Variants in HYDIN observed in about 807,000 individuals in gnomAD.
The protein encoded by HYDIN is HYDIN axonemal central pair apparatus protein, also known as axonemal central pair apparatus protein HYDIN.
A neutral mutation model predicts 403.9 loss-of-function variants in HYDIN; 132 were observed. That is an observed-to-expected ratio of 0.33 (90% CI 0.28 to 0.38). The LOEUF is 0.38. HYDIN is among the 10% of genes least tolerant of loss of function. The probability of loss-of-function intolerance (pLI) is 1.00; values close to 1 mark genes in which losing one functional copy is unlikely to be tolerated. For missense variants in HYDIN, 2,827 were observed against 5,009.5 expected, an observed-to-expected ratio of 0.56 and a Z score of 13.15; for synonymous variants, 1,202 against 1,891.7, an observed-to-expected ratio of 0.64 and a Z score of 9.46.
rs777203054 is a variant in HYDIN, at chr16:71,064,759, T to G, written c.2157A>C (p.Thr719=). 3.1e-6 allele frequency: 5 copies of G among 1,613,818 alleles called. No homozygotes were observed. In the African/African-American group the frequency reaches 6.7e-5, roughly 22 times the overall value. Residue 719 remains threonine (T), a synonymous_variant, in exon 16 of 86, where the codon ACA becomes ACC. Coordinates refer to ENST00000393567, the MANE Select transcript of HYDIN (RefSeq NM_001270974.2). ...HCFLKYPYEK[T]LQLANQDDLP... ...GGTCATCTTGATTGGCAAGCTGGAGTGTTTTCTCATACGGGTACTTCAGGA... is the reference window on the plus strand; with the variant it reads ...GGTCATCTTGATTGGCAAGCTGGAGGGTTTTCTCATACGGGTACTTCAGGA...
chr16:70,818,779 A>G (rs2036024431), intron 83 of HYDIN, among the ~76,000 whole-genome samples: 1 of 149,134 alleles, frequency 6.7e-6, no homozygotes, highest in Admixed American at 6.7e-5. Context: ...CAGATGAGAG[A>G]TTATTAAATA....
At chr16:71,085,511 C>T (rs1364707528) in intron 12 of HYDIN, among the ~76,000 whole-genome samples, 1 of 150,726 alleles carries the variant, frequency 6.6e-6, no homozygotes, top group African/African-American at 2.4e-5. Context: ...TCTTCTATTT[C>T]CTTTGTGATC....
intron 69 of HYDIN, among the ~76,000 whole-genome samples, 156 bp from the exon 70 acceptor site, chr16:70,861,057 T>C (rs2039381187): frequency 1.3e-5 from 2 of 152,056 alleles, no homozygotes; most frequent in African/African-American, 2.4e-5. Flanking sequence ...GTGCCTTGAA[T>C]GCATGACTGG....
At chr16:70,874,972 T>G (rs2040360871) in intron 62 of HYDIN, 53 bp from the exon 63 acceptor site, 3 of 1,457,980 alleles carry the variant, frequency 2.1e-6, no homozygotes, top group Admixed American at 4.4e-5. Flanking sequence ...GCTCATGGGC[T>G]TTGAGTCTGG....
intron 1 of HYDIN, among the ~76,000 whole-genome samples, chr16:71,214,963 T>C (rs2088803329): frequency 6.6e-6 from 1 of 152,222 alleles, no homozygotes; most frequent in Non-Finnish European, 1.5e-5. Context: ...AATGGAGAGA[T>C]CTGCTCTATC....
Position 71,230,651 on chromosome 16 carries a change from G to C in HYDIN, c.-113C>G. On this transcript the variant is annotated 5_prime_UTR_variant, in exon 1 of 86. Coordinates refer to ENST00000393567, the MANE Select transcript of HYDIN (RefSeq NM_001270974.2). ...TCACAGACCCCGCCGCCGCTGAGGG[G>C]CTCCATACCCAGCTTGAAGCCGCCC... is the stretch of plus-strand genomic sequence containing the variant. The C allele has an allele frequency of 1.3e-6, 2 of 1,536,026 alleles. No individual in the cohort carries two copies. Among genetic ancestry groups the C allele is most frequent in the Non-Finnish European group, 1.7e-6 (2 of 1,146,872 alleles).
chr16:71,020,436 G>C (rs951175089), intron 21 of HYDIN, 119 bp from the exon 22 acceptor site: 6 of 1,337,266 alleles, frequency 4.5e-6, no homozygotes, highest in Non-Finnish European at 5.0e-6. Context: ...TTCTTTGTGT[G>C]TGTGTGTGTG....
chr16:71,184,777 G>C (rs2144663558), intron 3 of HYDIN, 88 bp downstream of exon 3: 3 of 1,161,180 alleles, frequency 2.6e-6, no homozygotes, highest in South Asian at 1.8e-5. Flanking sequence ...GGATTAGGTA[G>C]CCAAGAAACA....
At chr16:70,931,174 G>A (rs1407980982) in intron 45 of HYDIN, among the ~76,000 whole-genome samples, 2 of 132,224 alleles carry the variant, frequency 1.5e-5, no homozygotes, top group African/African-American at 2.7e-5. Context: ...TTTTTTTAAC[G>A]TTTTTTGAAT....
intron 20 of HYDIN, among the ~76,000 whole-genome samples, chr16:71,026,790 G>A (rs1027190713): frequency 3.9e-5 from 6 of 152,160 alleles, no homozygotes; most frequent in African/African-American, 1.4e-4. Context: ...GCTAAGCAAG[G>A]GACTAGCTTT....
chr16:70,909,230 A>ACCAG, intron 47 of HYDIN, among the ~76,000 whole-genome samples: 1 of 152,066 alleles, frequency 6.6e-6, no homozygotes, highest in Non-Finnish European at 1.5e-5. Flanking sequence ...ACCCCTCACC[A>ACCAG]CCAGCTCTCT....
intron 1 of HYDIN, among the ~76,000 whole-genome samples, chr16:71,205,571 C>A (rs2088253194): frequency 6.6e-6 from 1 of 152,270 alleles, no homozygotes; most frequent in Non-Finnish European, 1.5e-5. Context: ...ACAGCTCCAA[C>A]AGAGGCCACA....
rs573773543 is a variant in HYDIN, at chr16:71,082,824, AT to A, written c.1671-2873del. ...TTATTCACTATTACAGCCTCCTGGA[AT>A]TTTTTTTTAAATGACAGCTTCATTG... On this transcript the variant is annotated intron_variant, in intron 12 of 85. Coordinates refer to ENST00000393567, the MANE Select transcript of HYDIN (RefSeq NM_001270974.2). Among the ~76,000 whole-genome samples, 513 of 137,996 alleles carry A rather than the reference AT, an allele frequency of 3.7e-3. 7 individuals are homozygous for A. Among genetic ancestry groups the A allele is most frequent in the African/African-American group, 0.013 (436 of 34,306 alleles). The allele number at this position is 137,996 out of a possible 152,430, so 90.5% of individuals were successfully genotyped here.
At chr16:70,866,104 G>A (rs2039733852) in intron 67 of HYDIN, 65 bp downstream of exon 67, 2 of 1,096,990 alleles carry the variant, frequency 1.8e-6, no homozygotes, top group South Asian at 1.4e-5. Flanking sequence ...TTTGATGAGT[G>A]AGTGAGTGAA....
chr16:70,866,760 A>G (rs9921766), intron 66 of HYDIN, among the ~76,000 whole-genome samples: 6,059 of 152,220 alleles, frequency 0.04, 380 homozygotes, highest in African/African-American at 0.13. Context: ...ATGGTGGCTC[A>G]CGGCCCATAA....
chr16:71,067,043 T>G, intron 15 of HYDIN: 1 of 641,972 alleles, frequency 1.6e-6, no homozygotes, highest in Non-Finnish European at 2.8e-6. Context: ...TCTGACCCGT[T>G]TTTTCACTAT....
At chr16:70,981,683 A>G (rs1337317808) in intron 28 of HYDIN, 115 bp from the exon 29 acceptor site, 36 of 1,400,940 alleles carry the variant, frequency 2.6e-5, no homozygotes, top group Non-Finnish European at 3.3e-5. Flanking sequence ...AAAAAGAAGG[A>G]AAGGAGTAAG....
chr16:71,098,025 G>A (rs13330774), intron 10 of HYDIN, among the ~76,000 whole-genome samples: 1 of 151,862 alleles, frequency 6.6e-6, no homozygotes, highest in Admixed American at 6.6e-5. Context: ...TCTAGTGCTT[G>A]GCAACACAGT....
At chr16:71,163,048 C>T (rs2086070265) in intron 5 of HYDIN, among the ~76,000 whole-genome samples, 5 of 151,738 alleles carry the variant, frequency 3.3e-5, no homozygotes, top group African/African-American at 9.7e-5. Context: ...CAAGAAGATT[C>T]ACAACAGTTC....
Sources: allele counts gnomAD v4.1 joint callset (sites outside exome capture counted in the v4.1 genomes callset), GRCh38; gene constraint gnomAD v4.1.1; transcripts MANE v1.5; gene names NCBI Gene and HGNC (gene_info 2026-07-23, HGNC 2026-07-21).